Variants in CADPS observed in about 807,000 individuals in gnomAD.
CADPS encodes the protein calcium-dependent secretion activator 1.
Under a neutral mutation model 167.3 loss-of-function variants are expected in CADPS, and 57 were observed. The observed-to-expected ratio is 0.34, with a 90% CI of 0.28 to 0.42. CADPS has a LOEUF of 0.42. Among genes scored for constraint, CADPS ranks in the 20% least tolerant of loss-of-function variants. CADPS has a pLI of 1.00. For synonymous variants in CADPS, 676 were observed against 635.3 expected (o/e 1.06, Z -0.96); for missense variants, 1,414 against 1,738.1 (o/e 0.81, Z 3.32).
At chr3:62,453,734 C>A (rs909584540) in intron 26 of CADPS, among the ~76,000 whole-genome samples, 9 of 152,178 alleles carry the variant, frequency 5.9e-5, no homozygotes, top group Admixed American at 2.0e-4. Flanking sequence ...TTTCTGAGGA[C>A]TGGAGAAAAA....
intron 6 of CADPS, among the ~76,000 whole-genome samples, chr3:62,627,075 A>C (rs1041760296): frequency 2.0e-5 from 3 of 151,866 alleles, no homozygotes; most frequent in African/African-American, 7.3e-5. Flanking sequence ...ATTTATTCTT[A>C]ATCTTAAGTT....
chr3:62,800,461 T>G (rs903417478), intron 1 of CADPS, among the ~76,000 whole-genome samples: 1 of 152,184 alleles, frequency 6.6e-6, no homozygotes, highest in South Asian at 2.1e-4. Flanking sequence ...ATTTATTATA[T>G]GCTTTTCCAG....
At chr3:62,709,502 T>C (rs2082963215) in intron 3 of CADPS, among the ~76,000 whole-genome samples, 1 of 152,148 alleles carries the variant, frequency 6.6e-6, no homozygotes, top group Admixed American at 6.5e-5. Context: ...TGTTTATCAT[T>C]CACTTAGATA....
At chr3:62,719,052 G>A (rs779263726) in intron 3 of CADPS, among the ~76,000 whole-genome samples, 15 of 152,198 alleles carry the variant, frequency 9.9e-5, no homozygotes, top group Non-Finnish European at 1.6e-4. Context: ...AGAGGTCCTG[G>A]TGATGCCGTC....
chr3:62,682,953 G>C (rs1035523389), intron 3 of CADPS, among the ~76,000 whole-genome samples: 1 of 152,202 alleles, frequency 6.6e-6, no homozygotes, highest in Non-Finnish European at 1.5e-5. Flanking sequence ...AGGAACTAAA[G>C]ATAAGTAGAA....
In CADPS at chr3:62,640,769, G is replaced by T. The variant is rs534546144; in HGVS notation, c.1325+4953C>A. On this transcript the variant is annotated intron_variant, in intron 6 of 29. Transcript: ENST00000383710. ...TTCAGATACATTAGCACAATACTGGGTTGCTAATTCAAATTTCCTTTCTTT... is the reference window on the plus strand; with the variant it reads ...TTCAGATACATTAGCACAATACTGGTTTGCTAATTCAAATTTCCTTTCTTT... Among the ~76,000 whole-genome samples, 2 of 152,222 alleles carry T rather than the reference G, an allele frequency of 1.3e-5. 1 individual carries two copies. The highest frequency in any genetic ancestry group is 4.8e-5 in the African/African-American group (2 of 41,536).
intron 8 of CADPS, among the ~76,000 whole-genome samples, chr3:62,580,089 C>G (rs950529571): frequency 1.3e-5 from 2 of 152,068 alleles, no homozygotes; most frequent in Non-Finnish European, 2.9e-5. Flanking sequence ...GCTAAGAGTT[C>G]GAGACCAAAG....
At chr3:62,767,952 G>T (rs753776672) in intron 1 of CADPS, among the ~76,000 whole-genome samples, 1 of 152,096 alleles carries the variant, frequency 6.6e-6, no homozygotes, top group East Asian at 1.9e-4. Context: ...TAGTTTACCC[G>T]TACAACATAT....
intron 3 of CADPS, among the ~76,000 whole-genome samples, chr3:62,675,740 A>G (rs1474473366): frequency 6.6e-6 from 1 of 152,160 alleles, no homozygotes; most frequent in Non-Finnish European, 1.5e-5. Context: ...GTAAACCACC[A>G]TGAAGACAGA....
At chr3:62,624,292 C>T (rs867630464) in intron 6 of CADPS, among the ~76,000 whole-genome samples, 15 of 152,032 alleles carry the variant, frequency 9.9e-5, no homozygotes, top group Middle Eastern at 3.2e-3. Flanking sequence ...AATGTTTGGG[C>T]CCTAAATCTC....
At chr3:62,543,361 AG>A (rs2076002135) in intron 11 of CADPS, among the ~76,000 whole-genome samples, 1 of 152,208 alleles carries the variant, frequency 6.6e-6, no homozygotes, top group East Asian at 1.9e-4. Flanking sequence ...AAAATCTACT[AG>A]GATAGCAATG....
intron 6 of CADPS, among the ~76,000 whole-genome samples, chr3:62,637,173 TG>T (rs755926641): frequency 3.3e-5 from 5 of 152,232 alleles, no homozygotes; most frequent in South Asian, 2.1e-4. Flanking sequence ...AACAACCCGA[TG>T]GGGCAGTTGT....
chr3:62,406,129 G>A (rs1008260033), intron 28 of CADPS, among the ~76,000 whole-genome samples: 5 of 152,190 alleles, frequency 3.3e-5, no homozygotes, highest in Admixed American at 3.3e-4. Context: ...TGTGTTTGCC[G>A]GTCATGACAG....
intron 16 of CADPS, among the ~76,000 whole-genome samples, chr3:62,513,278 C>T (rs1389400848): frequency 2.6e-5 from 4 of 152,056 alleles, no homozygotes; most frequent in East Asian, 1.9e-4. Flanking sequence ...TGACACCTAA[C>T]GCATTGCTCC....
intron 6 of CADPS, among the ~76,000 whole-genome samples, chr3:62,632,343 A>C (rs1406581205): frequency 1.3e-5 from 2 of 152,212 alleles, no homozygotes; most frequent in Non-Finnish European, 2.9e-5. Context: ...TCAGAAAAAC[A>C]TAAAATATTA....
At chr3:62,583,252 G>A (rs1460060301) in intron 8 of CADPS, among the ~76,000 whole-genome samples, 3 of 151,546 alleles carry the variant, frequency 2.0e-5, no homozygotes, top group African/African-American at 7.3e-5. Flanking sequence ...GAGTATTTAT[G>A]AGGCAGGATT....
At chr3:62,763,563 G>A (rs889867292) in intron 2 of CADPS, among the ~76,000 whole-genome samples, 1 of 152,164 alleles carries the variant, frequency 6.6e-6, no homozygotes, top group African/African-American at 2.4e-5. Context: ...GACTAAGACA[G>A]GGGCCAACAG....
At chr3:62,771,307 A>G (rs2088669341) in intron 1 of CADPS, among the ~76,000 whole-genome samples, 1 of 152,314 alleles carries the variant, frequency 6.6e-6, no homozygotes, top group Middle Eastern at 3.4e-3. Context: ...GCACAATCTT[A>G]GCTCTCGAAT....
intron 26 of CADPS, among the ~76,000 whole-genome samples, chr3:62,454,153 C>T (rs922271688): frequency 3.9e-5 from 6 of 152,138 alleles, no homozygotes; most frequent in African/African-American, 1.4e-4. Context: ...ATAAATGGAA[C>T]CATTTCAGAT....
Sources: gnomAD v4.1 joint callset for allele counts (sites outside exome capture counted in the v4.1 genomes callset) on GRCh38, gnomAD v4.1.1 for gene constraint, MANE v1.5 for transcripts, NCBI Gene and HGNC (gene_info 2026-07-23, HGNC 2026-07-21) for gene names.